CEP89: variants seen among roughly 807,000 people sequenced by gnomAD.
CEP89 encodes centrosomal protein of 89 kDa.
Under a neutral mutation model 97.6 loss-of-function variants are expected in CEP89, and 95 were observed. The ratio of observed to expected loss-of-function variants is 0.97; its 90% CI spans 0.82 to 1.15. The LOEUF is 1.15. Among genes scored for constraint, CEP89 ranks in the 50% most tolerant of loss-of-function variants. The pLI is 0.00. For synonymous variants in CEP89, 354 were observed against 349.1 expected (o/e 1.01, Z -0.16); for missense variants, 869 against 947.7 (o/e 0.92, Z 1.09).
chr19:32,914,775 A>C (rs1458907567), intron 14 of CEP89, among the ~76,000 whole-genome samples: 3 of 152,158 alleles, frequency 2.0e-5, no homozygotes, highest in Non-Finnish European at 4.4e-5. Context: ...TAATTCCAGC[A>C]CTTTGGGAGG....
Position 32,901,383 on chromosome 19 carries a change from CT to C in CEP89, c.1594del (p.Arg532GlyfsTer7). ...SQLQKEEEKE[R>X]AEMEELMEKL... ...CTCCATCAACTCCTCCATCTCAGCC[CT>C]TTCTTTCTCTTCTTCCTTCTGTAAT... On this transcript the variant is annotated frameshift_variant, in exon 15 of 19. Transcript: ENST00000305768. LOFTEE classifies it high-confidence loss of function. 6.2e-7 allele frequency: 1 copy of C among 1,613,324 alleles called. No individual in the cohort carries two copies. The highest frequency in any genetic ancestry group is 8.5e-7 in the Non-Finnish European group (1 of 1,179,846).
At chr19:32,959,766 T>A in intron 3 of CEP89, 134 bp downstream of exon 3, 1 of 878,882 alleles carries the variant, frequency 1.1e-6, no homozygotes, top group South Asian at 1.9e-5. Context: ...CATAAATACA[T>A]GCATGAGCAC....
intron 3 of CEP89, among the ~76,000 whole-genome samples, chr19:32,955,607 G>A (rs1367425638): frequency 3.3e-5 from 5 of 151,900 alleles, no homozygotes; most frequent in African/African-American, 7.2e-5. Context: ...TCCGCTTCCC[G>A]CGTTCAAGTG....
At chr19:32,882,494 C>T (rs1231487580) in intron 17 of CEP89, among the ~76,000 whole-genome samples, 6 of 149,574 alleles carry the variant, frequency 4.0e-5, no homozygotes, top group Non-Finnish European at 7.4e-5. Context: ...ACCTAGGAGG[C>T]GGAGGCTGCA....
rs529960635 is a variant in CEP89, at chr19:32,936,705, C to G, written c.667+926G>C. On this transcript the variant is annotated intron_variant, in intron 7 of 18. Coordinates refer to ENST00000305768, the MANE Select transcript of CEP89 (RefSeq NM_032816.5). The surrounding 1 kb of genome is among the most constrained non-coding windows in gnomAD (Gnocchi z 4.5). ...CTGATAGCTGGAGATGTCAGAGGAC[C>G]AGCAGCAGAGAGGAGCAACCCACTC... Among the ~76,000 whole-genome samples, 1 of 152,030 alleles carries G rather than the reference C, an allele frequency of 6.6e-6. No homozygotes were observed. Among genetic ancestry groups the G allele is most frequent in the African/African-American group, 2.4e-5 (1 of 41,396 alleles).
chr19:32,884,258 T>C (rs1969347412), intron 17 of CEP89, among the ~76,000 whole-genome samples: 1 of 152,248 alleles, frequency 6.6e-6, no homozygotes, highest in Non-Finnish European at 1.5e-5. Flanking sequence ...CGACCTTTAC[T>C]TTCTTTGTGT....
At chr19:32,898,442 C>T (rs1842601540) in intron 16 of CEP89, among the ~76,000 whole-genome samples, 1 of 152,064 alleles carries the variant, frequency 6.6e-6, no homozygotes, top group South Asian at 2.1e-4. Context: ...AGAGAGGTTG[C>T]TTAATAGGTA....
rs1170629669 is a variant in CEP89, at chr19:32,881,983, C to G, written c.1996G>C (p.Gly666Arg). 6.3e-7 allele frequency: 1 copy of G among 1,583,500 alleles called. No individual in the cohort carries two copies. Among genetic ancestry groups the G allele is most frequent in the Admixed American group, 1.8e-5 (1 of 55,322 alleles). The change falls in exon 18 of 19, where the codon GGG becomes CGG. Residue 666 changes from glycine to arginine, a missense_variant. Coordinates refer to ENST00000305768, the MANE Select transcript of CEP89 (RefSeq NM_032816.5). ...TCCAGCAGACGGTGACTGATGTCCC[C>G]CAGCTTCAGTGCTGCCTGCTTCTTG... ...GYKKQAALKL[G>R]DISHRLLEQQ...
rs139696514 is a variant in CEP89, at chr19:32,942,274, G to A, written c.596-2389C>T. Among the ~76,000 whole-genome samples, 8 of 152,280 alleles carry A rather than the reference G, an allele frequency of 5.3e-5. No individual in the cohort carries two copies. The East Asian group carries it at 7.7e-4, about 15-fold the overall frequency. On this transcript the variant is annotated intron_variant, in intron 5 of 18. Coordinates refer to ENST00000305768, the MANE Select transcript of CEP89 (RefSeq NM_032816.5). ...AACACACCTGCAGTCCCAGCTACTC[G>A]GGAGGCTGAGGCAGAAGAATCACTC...
intron 13 of CEP89, 62 bp downstream of exon 13, chr19:32,918,162 A>C: frequency 1.5e-6 from 2 of 1,330,520 alleles, no homozygotes; most frequent in Non-Finnish European, 2.2e-6. Flanking sequence ...GGAGAGAGAT[A>C]GAAGGGTAAA....
chr19:32,913,438 C>G (rs1283250464), intron 14 of CEP89, among the ~76,000 whole-genome samples: 1 of 151,680 alleles, frequency 6.6e-6, no homozygotes, highest in Non-Finnish European at 1.5e-5. Context: ...TACATACATA[C>G]CATACATAGG....
At chr19:32,901,043 C>T (rs189911102) in intron 15 of CEP89, among the ~76,000 whole-genome samples, 343 of 151,826 alleles carry the variant, frequency 2.3e-3, no homozygotes, top group African/African-American at 8.0e-3. Context: ...GTGCCACTAC[C>T]GCCTGGCTAA....
intron 3 of CEP89, among the ~76,000 whole-genome samples, chr19:32,954,030 G>A (rs1389934732): frequency 6.6e-6 from 1 of 151,876 alleles, no homozygotes; most frequent in East Asian, 1.9e-4. Context: ...CACCGCGCCT[G>A]GCTAATTTTT....
chr19:32,926,247 C>T lies in CEP89; in HGVS notation c.1107G>A (p.Leu369=). Reference sequence around the variant, plus strand: ...TCATCATATCTTCATAAGCCAGCAACAATGGTGACAGGTACTTTATATCCA... The same window carrying T: ...TCATCATATCTTCATAAGCCAGCAATAATGGTGACAGGTACTTTATATCCA... ...WLLDIKYLSP[L]LLAYEDMMKE... Residue 369 remains leucine (L), a synonymous_variant, in exon 11 of 19, where the codon TTG becomes TTA. Coordinates refer to ENST00000305768, the MANE Select transcript of CEP89 (RefSeq NM_032816.5). The T allele has an allele frequency of 6.2e-7, 1 of 1,613,210 alleles. No homozygotes were observed. The highest frequency in any genetic ancestry group is 8.5e-7 in the Non-Finnish European group (1 of 1,179,284).
intron 8 of CEP89, among the ~76,000 whole-genome samples, chr19:32,931,892 C>T (rs143378604): frequency 2.3e-3 from 346 of 152,216 alleles, no homozygotes; most frequent in African/African-American, 8.1e-3. Context: ...TTTGAAAAAT[C>T]ATACAGAGGC....
At chr19:32,940,576 A>G (rs1970668129) in intron 5 of CEP89, among the ~76,000 whole-genome samples, 1 of 152,196 alleles carries the variant, frequency 6.6e-6, no homozygotes, top group African/African-American at 2.4e-5. Context: ...CCCTAGATGC[A>G]TCATCCAACC....
intron 9 of CEP89, among the ~76,000 whole-genome samples, chr19:32,929,601 TAAA>T (rs71338599): frequency 1.4e-5 from 2 of 141,108 alleles, no homozygotes; most frequent in African/African-American, 5.2e-5. Context: ...AGACTGTGTC[TAAA>T]AAAAAAAAAA....
intron 17 of CEP89, among the ~76,000 whole-genome samples, chr19:32,887,347 A>G (rs2145872014): frequency 6.6e-6 from 1 of 151,602 alleles, no homozygotes; most frequent in South Asian, 2.1e-4. Flanking sequence ...CCTCGAGAGA[A>G]GCTGAGACTA....
chr19:32,949,151 C>T (rs1970859271), intron 4 of CEP89, among the ~76,000 whole-genome samples: 1 of 152,234 alleles, frequency 6.6e-6, no homozygotes, highest in Non-Finnish European at 1.5e-5. Context: ...AGGGACTCCC[C>T]TCTACTGACT....
Sources: gnomAD v4.1 joint callset for allele counts (sites outside exome capture counted in the v4.1 genomes callset) on GRCh38, gnomAD v4.1.1 for gene constraint, Gnocchi (gnomAD v3.1) non-coding constraint, MANE v1.5 for transcripts, NCBI Gene and HGNC (gene_info 2026-07-23, HGNC 2026-07-21) for gene names.